EIF4G2: variants seen among roughly 807,000 people sequenced by gnomAD.
EIF4G2 encodes DAP-5.
In EIF4G2, 8 loss-of-function variants were observed where a neutral mutation model predicts 117.7. The observed-to-expected ratio is 0.07, with a 90% confidence interval of 0.04 to 0.12. The LOEUF is 0.12. EIF4G2 is among the 10% of genes least tolerant of loss of function. The probability of loss-of-function intolerance (pLI) is 1.00; values close to 1 mark genes in which losing one functional copy is unlikely to be tolerated. For synonymous variants in EIF4G2, 413 were observed against 367.8 expected (o/e 1.12, Z -1.41); for missense variants, 812 against 1,086.2 (o/e 0.75, Z 3.55).
intron 18 of EIF4G2, 95 bp from the exon 19 acceptor site, chr11:10,799,851 T>A: frequency 7.1e-7 from 1 of 1,409,762 alleles, no homozygotes; most frequent in South Asian, 1.4e-5. Context: ...TCCCCAAGTA[T>A]GTAAGATCCA....
intron 14 of EIF4G2, 107 bp from the exon 15 acceptor site, chr11:10,801,194 A>T: frequency 1.4e-6 from 2 of 1,479,294 alleles, no homozygotes; most frequent in Non-Finnish European, 1.8e-6. Flanking sequence ...GGGAAACATT[A>T]AGCTTTTTGA....
At chr11:10,799,866 G>A in intron 18 of EIF4G2, 110 bp from the exon 19 acceptor site, 1 of 1,332,818 alleles carries the variant, frequency 7.5e-7, no homozygotes, top group Non-Finnish European at 1.0e-6. Flanking sequence ...GATCCATGTA[G>A]CAGAATAGAG....
intron 1 of EIF4G2, chr11:10,807,596 C>T (rs990939546): frequency 8.4e-7 from 1 of 1,188,690 alleles, no homozygotes; most frequent in Non-Finnish European, 1.0e-6. Context: ...TCGTAGAACA[C>T]AAGAGCATTT....
rs752228640 is a variant in EIF4G2, at chr11:10,802,154, C to G, written c.1194G>C (p.Met398Ile). 1 of 1,614,198 alleles carries G rather than the reference C, an allele frequency of 6.2e-7. No homozygotes were observed. The highest frequency in any genetic ancestry group is 8.5e-7 in the Non-Finnish European group (1 of 1,180,048). Reference sequence around the variant, plus strand: ...AGAGTTGATTTGAACGATGACGTCCCATGGTGGGTGAAAATCTATCCTGGA... The same window carrying G: ...AGAGTTGATTTGAACGATGACGTCCGATGGTGGGTGAAAATCTATCCTGGA... Residue 398 changes from methionine to isoleucine, a missense_variant, in exon 13 of 22, where the codon ATG (methionine) becomes ATC (isoleucine). Physicochemically the swap from Met to Ile is conservative, Grantham distance 10. Coordinates refer to ENST00000339995, the MANE Select transcript of EIF4G2 (RefSeq NM_001418.4).
chr11:10,807,111 G>A, intron 2 of EIF4G2, 144 bp downstream of exon 2: 2 of 1,261,676 alleles, frequency 1.6e-6, no homozygotes, highest in South Asian at 1.5e-5. Context: ...TCTTCAGATG[G>A]CAGTTCTTAG....
chr11:10,797,898 G>T lies in EIF4G2; in HGVS notation c.2659-17C>A. ...CTGATTCACCTATAAATTAAGATTT[G>T]TAAATTAAAATAGTTCATGATATAA... On this transcript the variant is annotated splice_polypyrimidine_tract_variant and intron_variant, in intron 21 of 21. Coordinates refer to ENST00000339995, the MANE Select transcript of EIF4G2 (RefSeq NM_001418.4). The surrounding 1 kb of genome is among the most constrained non-coding windows in gnomAD (Gnocchi z 4.5). 1 of 1,611,170 alleles carries T rather than the reference G, an allele frequency of 6.2e-7. No individual in the cohort carries two copies. The highest frequency in any genetic ancestry group is 1.1e-5 in the South Asian group (1 of 90,868).
chr11:10,808,242 A>G (rs1385116269), intron 1 of EIF4G2: 1 of 1,151,570 alleles, frequency 8.7e-7, no homozygotes, highest in Non-Finnish European at 1.1e-6. Context: ...CTCCCCGACG[A>G]AGGGCAGCCC....
At chr11:10,807,095 A>G (rs1847598455) in intron 2 of EIF4G2, 160 bp downstream of exon 2, 1 of 1,233,744 alleles carries the variant, frequency 8.1e-7, no homozygotes, top group Non-Finnish European at 1.1e-6. Context: ...AATTGATTTT[A>G]TTTATTCTTC....
In EIF4G2 at chr11:10,803,814, T is replaced by TA. The variant is rs1390639151; in HGVS notation, c.702+84dup. ...ATTTTGTTGCACATCTGTATTTAAC[T>TA]AGTCAACCTCCCTCTTAGATGAATA... On this transcript the variant is annotated intron_variant, in intron 8 of 21. Coordinates refer to ENST00000339995, the MANE Select transcript of EIF4G2 (RefSeq NM_001418.4). The surrounding 1 kb of genome is among the most constrained non-coding windows in gnomAD (Gnocchi z 4.0). 3 of 1,482,648 alleles carry TA rather than the reference T, an allele frequency of 2.0e-6. No homozygotes were observed. Among genetic ancestry groups the TA allele is most frequent in the Non-Finnish European group, 2.7e-6 (3 of 1,095,290 alleles). The allele number at this position is 1,482,648 out of a possible 1,614,324, so 91.8% of individuals were successfully genotyped here.
intron 15 of EIF4G2, 26 bp from the exon 16 acceptor site, chr11:10,800,861 T>C (rs1265573928): frequency 6.2e-7 from 1 of 1,612,546 alleles, no homozygotes. Context: ...TGACAGACTT[T>C]TTTTAAAAAG....
intron 4 of EIF4G2, 114 bp downstream of exon 4, chr11:10,805,793 T>C: frequency 6.7e-7 from 1 of 1,484,024 alleles, no homozygotes; most frequent in Non-Finnish European, 9.3e-7. Flanking sequence ...TGAGGATTCA[T>C]TAAAACATAC....
chr11:10,801,324 C>A, intron 14 of EIF4G2: 1 of 636,158 alleles, frequency 1.6e-6, no homozygotes, highest in Non-Finnish European at 2.7e-6. Context: ...ATTAGCATGA[C>A]TAAAATATTC....
intron 18 of EIF4G2, 89 bp from the exon 19 acceptor site, chr11:10,799,845 C>A (rs886216513): frequency 1.4e-6 from 2 of 1,434,522 alleles, no homozygotes; most frequent in East Asian, 2.3e-5. Flanking sequence ...ATGATGTCCC[C>A]AAGTATGTAA....
At chr11:10,806,197 G>C in intron 3 of EIF4G2, 150 bp from the exon 4 acceptor site, 1 of 1,035,142 alleles carries the variant, frequency 9.7e-7, no homozygotes. Flanking sequence ...TGGAACAGTA[G>C]TGTGCATCAG....
Position 10,803,342 on chromosome 11 carries a change from T to TTACAAG in EIF4G2, c.814-49_814-48insCTTGTA. The stretch of plus-strand genomic sequence containing the variant: ...ATTGGAAGAGCTAAAGCAAATGTGT[T>TTACAAG]CAATTTACAGCTTTAAGACTTCTAA... On this transcript the variant is annotated intron_variant, in intron 9 of 21. Coordinates refer to ENST00000339995, the MANE Select transcript of EIF4G2 (RefSeq NM_001418.4). The surrounding 1 kb of genome is among the most constrained non-coding windows in gnomAD (Gnocchi z 4.0). 1 of 1,598,684 alleles carries TTACAAG rather than the reference T, an allele frequency of 6.3e-7. No individual in the cohort carries two copies. Among genetic ancestry groups the TTACAAG allele is most frequent in the Non-Finnish European group, 8.6e-7 (1 of 1,169,120 alleles).
Position 10,799,753 on chromosome 11 carries a change from A to G in EIF4G2, c.2123T>C (p.Ile708Thr), listed in dbSNP as rs747962839. 1 of 1,611,368 alleles carries G rather than the reference A, an allele frequency of 6.2e-7. No homozygotes were observed. The highest frequency in any genetic ancestry group is 2.2e-5 in the East Asian group (1 of 44,856). The change falls in exon 19 of 22, where the codon ATT becomes ACT. Residue 708 changes from isoleucine (I) to threonine (T), a missense_variant. Coordinates refer to ENST00000339995, the MANE Select transcript of EIF4G2 (RefSeq NM_001418.4). ...CAACATGCGGTCCTTATTCTGATCA[A>G]TTTCTGAAGAGACAAAGCCACCTGC...
At position 10,807,401 on chromosome 11, in the gene EIF4G2, CA is replaced by C. The variant is rs200239248; in HGVS notation, c.-86-21del. ...AAATACCTGGAACGAGAAAGAGCAC[CA>C]AAATTAGACACTGCTAACATACAGA... On this transcript the variant is annotated intron_variant, in intron 1 of 21. Transcript: ENST00000339995. The C allele has an allele frequency of 1.3e-3, 1,987 of 1,583,844 alleles. 25 individuals are homozygous for C. In the African/African-American group the frequency reaches 0.024, roughly 19 times the overall value.
In EIF4G2 at chr11:10,797,783, T is replaced by G; in HGVS notation, c.*33A>C. On this transcript the variant is annotated 3_prime_UTR_variant, in exon 22 of 22. Transcript: ENST00000339995. The surrounding 1 kb of genome is among the most constrained non-coding windows in gnomAD (Gnocchi z 4.5). ...ATGCAGTTACATCATAGCAACAGTA[T>G]GTTTTGCACAATTTAAGGCTTTGGC... 6.2e-7 allele frequency: 1 copy of G among 1,608,436 alleles called. No individual in the cohort carries two copies. Among genetic ancestry groups the G allele is most frequent in the Non-Finnish European group, 8.5e-7 (1 of 1,175,526 alleles).
chr11:10,807,903 C>T (rs1847633386), intron 1 of EIF4G2: 1 of 1,012,262 alleles, frequency 9.9e-7, no homozygotes, highest in South Asian at 3.6e-5. Context: ...AGACCAGGGC[C>T]ACAACATGGC....
Sources: gnomAD v4.1 joint callset for allele counts on GRCh38, gnomAD v4.1.1 for gene constraint, Gnocchi (gnomAD v3.1) non-coding constraint, MANE v1.5 for transcripts, NCBI Gene and HGNC (gene_info 2026-07-23, HGNC 2026-07-21) for gene names.